TRAPPC9: variants seen among roughly 807,000 people sequenced by gnomAD.
The protein encoded by TRAPPC9 is IKK2 binding protein.
Under a neutral mutation model 124.0 loss-of-function variants are expected in TRAPPC9, and 83 were observed. The observed-to-expected ratio is 0.67, with a 90% confidence interval of 0.56 to 0.80. TRAPPC9 has a LOEUF of 0.80. Among genes scored for constraint, TRAPPC9 ranks in the 30% least tolerant of loss-of-function variants. TRAPPC9 has a pLI of 0.00. For missense variants in TRAPPC9, 1,302 were observed against 1,508.3 expected (o/e 0.86, Z 2.27); for synonymous variants, 638 against 617.5 (o/e 1.03, Z -0.49).
At chr8:140,117,294 G>T (rs1199714708) in intron 17 of TRAPPC9, among the ~76,000 whole-genome samples, 1 of 152,200 alleles carries the variant, frequency 6.6e-6, no homozygotes, top group Non-Finnish European at 1.5e-5. Flanking sequence ...TCTATTTTGT[G>T]CTGGTGTAAT....
chr8:140,279,587 G>T (rs867173640), intron 14 of TRAPPC9, among the ~76,000 whole-genome samples: 4 of 152,162 alleles, frequency 2.6e-5, no homozygotes, highest in Middle Eastern at 3.2e-3. Context: ...ACCATGCTGG[G>T]ATCCACATTC....
At chr8:140,339,660 T>C (rs182464775) in intron 9 of TRAPPC9, among the ~76,000 whole-genome samples, 2 of 152,310 alleles carry the variant, frequency 1.3e-5, no homozygotes, top group African/African-American at 4.8e-5. Context: ...TGCATGCCCT[T>C]TTCCAGTTCG....
At chr8:140,269,548 AAAATAAAATAAATAAAT>A (rs760137274) in intron 15 of TRAPPC9, among the ~76,000 whole-genome samples, 73 of 133,652 alleles carry the variant, frequency 5.5e-4, no homozygotes, top group Admixed American at 2.7e-3. Flanking sequence ...CTCAAAAAAT[AAAATAAAATAAATAAAT>A]AAATAAATAA....
chr8:139,846,480 T>C (rs1006599923), intron 21 of TRAPPC9, among the ~76,000 whole-genome samples: 2 of 152,208 alleles, frequency 1.3e-5, no homozygotes, highest in Non-Finnish European at 2.9e-5. Context: ...TGAATTATCC[T>C]AAATCAAGGG....
At chr8:140,020,222 T>C (rs1375643181) in intron 18 of TRAPPC9, among the ~76,000 whole-genome samples, 1 of 152,232 alleles carries the variant, frequency 6.6e-6, no homozygotes, top group African/African-American at 2.4e-5. Flanking sequence ...AATTTATTTG[T>C]TCATACTCTA....
chr8:140,333,744 C>T (rs185578073), intron 9 of TRAPPC9, among the ~76,000 whole-genome samples: 12 of 152,212 alleles, frequency 7.9e-5, no homozygotes, highest in Non-Finnish European at 1.5e-4. Context: ...GGTTTTACAA[C>T]GAAAAATCAG....
intron 16 of TRAPPC9, among the ~76,000 whole-genome samples, chr8:140,246,022 C>T (rs1023444357): frequency 4.6e-5 from 7 of 152,198 alleles, no homozygotes; most frequent in South Asian, 2.1e-4. Flanking sequence ...CGTCCAATCG[C>T]GCAGTCTACA....
chr8:139,889,990 A>G (rs1185572198), intron 20 of TRAPPC9, among the ~76,000 whole-genome samples: 1 of 152,258 alleles, frequency 6.6e-6, no homozygotes, highest in Non-Finnish European at 1.5e-5. Flanking sequence ...AGGAAGCAAC[A>G]GCTGGGGATC....
At chr8:139,756,981 G>A (rs1421096246) in intron 21 of TRAPPC9, among the ~76,000 whole-genome samples, 1 of 137,760 alleles carries the variant, frequency 7.3e-6, no homozygotes, top group Non-Finnish European at 1.6e-5. Context: ...CCAGGGTTTG[G>A]GGATGAGGAC....
intron 18 of TRAPPC9, among the ~76,000 whole-genome samples, chr8:139,993,426 C>G (rs1056072755): frequency 3.3e-5 from 5 of 152,172 alleles, no homozygotes; most frequent in Admixed American, 3.3e-4. Context: ...GTTGGTCAAG[C>G]TATAGATCAA....
chr8:139,891,745 G>A (rs971666916), intron 20 of TRAPPC9, among the ~76,000 whole-genome samples: 10 of 152,220 alleles, frequency 6.6e-5, no homozygotes, highest in African/African-American at 2.4e-4. Context: ...CTGCACACTT[G>A]TGGGGGTGGG....
In TRAPPC9 at chr8:140,359,992, T is replaced by C. The variant is rs1173114615; in HGVS notation, c.1495+58A>G. The C allele has an allele frequency of 3.7e-6, 6 of 1,611,872 alleles. No homozygotes were observed. In the Admixed American group the frequency reaches 8.3e-5, roughly 22 times the overall value. ...CCCAGGGTTTACATGAACCAGCATC[T>C]AAAGTGCTCTCATTCACAGTTCCTT... On this transcript the variant is annotated intron_variant, in intron 9 of 22. Transcript: ENST00000438773.
intron 9 of TRAPPC9, among the ~76,000 whole-genome samples, chr8:140,354,147 T>C (rs2067670280): frequency 6.6e-6 from 1 of 152,156 alleles, no homozygotes; most frequent in Admixed American, 6.5e-5. Flanking sequence ...AGTCTGGAAA[T>C]TACAAATATG....
At chr8:140,116,921 T>C (rs2060899918) in intron 17 of TRAPPC9, among the ~76,000 whole-genome samples, 1 of 147,016 alleles carries the variant, frequency 6.8e-6, no homozygotes, top group Admixed American at 6.8e-5. Context: ...GTAGGCGGAG[T>C]TCAGTGAGTA....
intron 19 of TRAPPC9, among the ~76,000 whole-genome samples, chr8:139,929,717 A>T (rs1469994085): frequency 6.6e-6 from 1 of 152,260 alleles, no homozygotes; most frequent in East Asian, 1.9e-4. Context: ...CCATGGTGCC[A>T]TGCACCCGAC....
rs530115026 is a variant in TRAPPC9, at chr8:140,142,405, C to T, written c.2556+79054G>A. 2.0e-5 allele frequency among the ~76,000 whole-genome samples: 3 copies of T among 152,398 alleles called. No homozygotes were observed. In the East Asian group the frequency reaches 5.8e-4, roughly 29 times the overall value. On this transcript the variant is annotated intron_variant, in intron 17 of 22. Transcript: ENST00000438773. ...CAGCCATGTGCTGGTCCAGATGCAA[C>T]AGTAGGCTGGTGTGGGCCGGCACCG...
chr8:139,974,615 C>T (rs997631774), intron 19 of TRAPPC9, among the ~76,000 whole-genome samples: 1 of 152,102 alleles, frequency 6.6e-6, no homozygotes, highest in African/African-American at 2.4e-5. Flanking sequence ...TTCTCCATGA[C>T]ATTCAGCCAG....
At chr8:140,006,821 C>A (rs529982622) in intron 18 of TRAPPC9, among the ~76,000 whole-genome samples, 1 of 151,942 alleles carries the variant, frequency 6.6e-6, no homozygotes, top group South Asian at 2.1e-4. Flanking sequence ...GCCTAGGGTG[C>A]GGGAGGGAAG....
intron 17 of TRAPPC9, among the ~76,000 whole-genome samples, chr8:140,034,249 A>G (rs10110112): frequency 6.9e-4 from 105 of 152,364 alleles, no homozygotes; most frequent in South Asian, 2.1e-3. Context: ...TTAACCATGT[A>G]TCAATGTCCA....
Sources: allele counts gnomAD v4.1 joint callset (sites outside exome capture counted in the v4.1 genomes callset), GRCh38; gene constraint gnomAD v4.1.1; transcripts MANE v1.5; gene names NCBI Gene and HGNC (gene_info 2026-07-23, HGNC 2026-07-21).